Variants in DPP10 observed in about 807,000 individuals in gnomAD.
The protein encoded by DPP10 is dipeptidyl peptidase like 10.
Under a neutral mutation model 120.9 loss-of-function variants are expected in DPP10, and 33 were observed. The ratio of observed to expected loss-of-function variants is 0.27; its 90% CI spans 0.21 to 0.37. The LOEUF (loss-of-function observed/expected upper bound fraction) is 0.37. Ranked by LOEUF, DPP10 falls within the 10% of genes least tolerant of loss-of-function variation. The probability of loss-of-function intolerance (pLI) is 1.00; values close to 1 mark genes in which losing one functional copy is unlikely to be tolerated. For missense variants in DPP10, 816 were observed against 942.8 expected (o/e 0.87, Z 1.76); for synonymous variants, 337 against 326.1 (o/e 1.03, Z -0.36).
chr2:114,969,857 C>A (rs1280300537), intron 1 of DPP10, among the ~76,000 whole-genome samples: 3 of 152,148 alleles, frequency 2.0e-5, no homozygotes, highest in Admixed American at 2.0e-4. Context: ...AAGCCCCCCA[C>A]CTCCAGTCCC....
intron 1 of DPP10, among the ~76,000 whole-genome samples, chr2:114,620,971 T>C (rs929471245): frequency 2.6e-5 from 4 of 152,074 alleles, no homozygotes; most frequent in Non-Finnish European, 5.9e-5. Flanking sequence ...AGTGACTAAA[T>C]CTTATTTTTC....
chr2:114,645,698 G>A (rs1170700637), intron 1 of DPP10, among the ~76,000 whole-genome samples: 2 of 152,182 alleles, frequency 1.3e-5, no homozygotes, highest in African/African-American at 2.4e-5. Context: ...TGACTCTGCT[G>A]CTTACACACC....
chr2:114,453,622 A>T (rs1238783356), intron 1 of DPP10, among the ~76,000 whole-genome samples: 2 of 152,098 alleles, frequency 1.3e-5, no homozygotes, highest in African/African-American at 4.8e-5. Context: ...GGTTAACAGG[A>T]GTAACATGAG....
At chr2:114,908,673 T>A (rs1343097542) in intron 1 of DPP10, among the ~76,000 whole-genome samples, 1 of 151,884 alleles carries the variant, frequency 6.6e-6, no homozygotes, top group African/African-American at 2.4e-5. Flanking sequence ...AACATTTCAA[T>A]AAATCACTAT....
intron 1 of DPP10, among the ~76,000 whole-genome samples, chr2:114,657,785 T>G (rs1435756074): frequency 6.6e-6 from 1 of 152,196 alleles, no homozygotes. Flanking sequence ...AATATATTCA[T>G]GTATAACTAC....
intron 3 of DPP10, among the ~76,000 whole-genome samples, chr2:115,428,026 A>G (rs1039752167): frequency 6.6e-6 from 1 of 152,168 alleles, no homozygotes; most frequent in African/African-American, 2.4e-5. Context: ...ACAGATCCTT[A>G]GGGCATGAAC....
intron 5 of DPP10, among the ~76,000 whole-genome samples, chr2:115,646,121 C>T (rs1238325791): frequency 6.6e-6 from 1 of 152,146 alleles, no homozygotes; most frequent in Non-Finnish European, 1.5e-5. Flanking sequence ...CACACACACA[C>T]ACACTTCTTT....
chr2:115,334,228 C>CT (rs1393213758), intron 2 of DPP10, among the ~76,000 whole-genome samples: 1 of 22,326 alleles, frequency 4.5e-5, no homozygotes, highest in Non-Finnish European at 1.3e-4. Flanking sequence ...AGAGCAGACT[C>CT]TGTTTTTTTT....
chr2:115,432,511 A>G (rs1235148026), intron 3 of DPP10, among the ~76,000 whole-genome samples: 1 of 152,004 alleles, frequency 6.6e-6, no homozygotes, highest in Non-Finnish European at 1.5e-5. Context: ...GGAATTAGAA[A>G]TGATCATGTA....
rs140502138 is a variant in DPP10 at position 114,879,159 on chromosome 2, A to G, written c.61-430080A>G. ...CTTTTTTTTTTTTCATTTTTTTTCT[A>G]CATTTGTCTCCCTCCCTACTTCTTC... On this transcript the variant is annotated intron_variant, in intron 1 of 25. Transcript: ENST00000410059. 2.8e-4 allele frequency among the ~76,000 whole-genome samples: 42 copies of G among 148,362 alleles called. 2 individuals carry two copies. Among genetic ancestry groups the G allele is most frequent in the African/African-American group, 9.2e-4 (37 of 40,410 alleles).
At chr2:115,269,154 AAAAG>A (rs1177980378) in intron 1 of DPP10, among the ~76,000 whole-genome samples, 1 of 152,194 alleles carries the variant, frequency 6.6e-6, no homozygotes, top group Admixed American at 6.5e-5. Flanking sequence ...CTCAAAGAAA[AAAAG>A]AAAAGAAACA....
intron 1 of DPP10, among the ~76,000 whole-genome samples, chr2:114,608,918 GA>G (rs1012092208): frequency 2.6e-5 from 4 of 152,096 alleles, no homozygotes; most frequent in African/African-American, 9.7e-5. Flanking sequence ...GGCAAGGGTT[GA>G]AAAACTAACT....
chr2:115,304,746 G>C lies in DPP10; in HGVS notation c.61-4493G>C, dbSNP rs573653775. Among the ~76,000 whole-genome samples, 9 of 152,014 alleles carry C rather than the reference G, an allele frequency of 5.9e-5. No homozygotes were observed. In the East Asian group the frequency reaches 1.7e-3, roughly 30 times the overall value. ...CTTATGAAGAAAAGCAAATCCGCTG[G>C]TTAAGATTTTTTCTTTATTTTGCCA... On this transcript the variant is annotated intron_variant, in intron 1 of 25. Transcript: ENST00000410059.
At chr2:115,633,287 T>C (rs1416688117) in intron 5 of DPP10, among the ~76,000 whole-genome samples, 1 of 152,132 alleles carries the variant, frequency 6.6e-6, no homozygotes, top group Non-Finnish European at 1.5e-5. Flanking sequence ...TGTAGGGACA[T>C]GGATGAAGCT....
chr2:115,829,387 C>A (rs1225392842), intron 21 of DPP10, among the ~76,000 whole-genome samples: 4 of 152,056 alleles, frequency 2.6e-5, no homozygotes, highest in African/African-American at 7.2e-5. Flanking sequence ...TGTTCTTATG[C>A]TAATCTTACA....
intron 1 of DPP10, among the ~76,000 whole-genome samples, chr2:114,933,057 A>G (rs532569411): frequency 1.3e-5 from 2 of 152,218 alleles, no homozygotes; most frequent in Non-Finnish European, 2.9e-5. Context: ...TATGTAATAG[A>G]CATAGTCTCA....
At chr2:115,497,738 T>C (rs545231483) in intron 3 of DPP10, among the ~76,000 whole-genome samples, 1 of 152,084 alleles carries the variant, frequency 6.6e-6, no homozygotes, top group East Asian at 1.9e-4. Context: ...CAAGCATTAA[T>C]TGTGAGCAGG....
At chr2:114,713,220 T>G (rs1701138389) in intron 1 of DPP10, among the ~76,000 whole-genome samples, 1 of 152,174 alleles carries the variant, frequency 6.6e-6, no homozygotes, top group Non-Finnish European at 1.5e-5. Flanking sequence ...ACTTCTGACC[T>G]CAGGTTATCC....
At chr2:114,672,580 G>A (rs1698416429) in intron 1 of DPP10, among the ~76,000 whole-genome samples, 1 of 152,208 alleles carries the variant, frequency 6.6e-6, no homozygotes, top group African/African-American at 2.4e-5. Flanking sequence ...GAAATGAGAA[G>A]GATGTGATGC....
Sources: allele counts gnomAD v4.1 joint callset (sites outside exome capture counted in the v4.1 genomes callset), GRCh38; gene constraint gnomAD v4.1.1; transcripts MANE v1.5; gene names NCBI Gene and HGNC (gene_info 2026-07-23, HGNC 2026-07-21).